Variants in ABCA6 observed in about 807,000 individuals in gnomAD.
ABCA6 encodes ATP-binding cassette sub-family A member 6.
Under a neutral mutation model 191.2 loss-of-function variants are expected in ABCA6, and 164 were observed. The observed-to-expected ratio is 0.86, with a 90% confidence interval of 0.76 to 0.98. ABCA6 has a LOEUF of 0.98. ABCA6 is among the 50% of genes least tolerant of loss of function. The probability of loss-of-function intolerance (pLI) is 0.00; values close to 1 mark genes in which losing one functional copy is unlikely to be tolerated. For missense variants in ABCA6, 1,958 were observed against 1,894.1 expected, an observed-to-expected ratio of 1.03 and a Z score of -0.63; for synonymous variants, 636 against 647.7, an observed-to-expected ratio of 0.98 and a Z score of 0.27.
chr17:69,084,460 T>C lies in ABCA6; in HGVS notation c.4232A>G (p.Gln1411Arg). 1 of 1,614,198 alleles carries C rather than the reference T, an allele frequency of 6.2e-7. No individual in the cohort carries two copies. The highest frequency in any genetic ancestry group is 8.5e-7 in the Non-Finnish European group (1 of 1,180,018). Reference sequence around the variant, plus strand: ...TCTCGTGATTCCTGCTGTTAATTTCTGCACAGGAACATTCAGCTGCTCATG... The same window carrying C: ...TCTCGTGATTCCTGCTGTTAATTTCCGCACAGGAACATTCAGCTGCTCATG... ...KLHEQLNVPV[Q>R]KLTAGITRKL... The change falls in exon 33 of 39, where the codon CAG becomes CGG. Residue 1411 changes from glutamine (Q) to arginine (R), a missense_variant. Gln to Arg is a conservative substitution (Grantham distance 43, BLOSUM62 1). Transcript: ENST00000284425.
At chr17:69,094,244 T>C (rs2072997400) in intron 25 of ABCA6, 1 of 152,244 alleles carries the variant, frequency 6.6e-6, no homozygotes, top group Non-Finnish European at 1.5e-5. Flanking sequence ...GTCAAATTTC[T>C]TCTTTTGTTC....
intron 16 of ABCA6, 60 bp from the exon 17 acceptor site, chr17:69,111,000 G>C: frequency 6.7e-7 from 1 of 1,490,868 alleles, no homozygotes; most frequent in East Asian, 2.3e-5. Flanking sequence ...CACAAAAGAA[G>C]AGCTTTAATT....
At chr17:69,087,289 A>C (rs1041129061) in intron 29 of ABCA6, 64 bp downstream of exon 29, 1 of 1,582,830 alleles carries the variant, frequency 6.3e-7, no homozygotes, top group Non-Finnish European at 8.6e-7. Context: ...CAGTGTATCA[A>C]ATCCTGCTCT....
intron 25 of ABCA6, chr17:69,095,203 T>C (rs377000701): frequency 9.8e-5 from 19 of 192,980 alleles, no homozygotes; most frequent in African/African-American, 4.2e-4. Flanking sequence ...GTCTGTTGAC[T>C]GAACAAAAAA....
intron 6 of ABCA6, among the ~76,000 whole-genome samples, chr17:69,130,710 C>A (rs950706671): frequency 6.6e-6 from 1 of 152,122 alleles, no homozygotes; most frequent in African/African-American, 2.4e-5. Context: ...CCATACCGTC[C>A]TAATTGTAGA....
At chr17:69,132,175 A>G (rs1253820225) in intron 6 of ABCA6, among the ~76,000 whole-genome samples, 1 of 152,176 alleles carries the variant, frequency 6.6e-6, no homozygotes, top group Non-Finnish European at 1.5e-5. Context: ...CTCCCAAGGA[A>G]TTGTTCAATA....
chr17:69,097,210 G>A (rs1386654783), intron 23 of ABCA6, among the ~76,000 whole-genome samples: 2 of 152,112 alleles, frequency 1.3e-5, no homozygotes, highest in Non-Finnish European at 2.9e-5. Context: ...GGCTAACATG[G>A]TGAAAGCCCA....
chr17:69,088,798 G>T (rs1268517551), intron 27 of ABCA6, among the ~76,000 whole-genome samples: 1 of 152,086 alleles, frequency 6.6e-6, no homozygotes, highest in East Asian at 1.9e-4. Flanking sequence ...TTTATCCCAT[G>T]ACTTCTGTGG....
chr17:69,140,135 G>C (rs945881167), intron 2 of ABCA6, among the ~76,000 whole-genome samples: 2 of 151,902 alleles, frequency 1.3e-5, no homozygotes, highest in African/African-American at 2.4e-5. Context: ...ATAAACATTT[G>C]CTGTGTTAAG....
chr17:69,113,457 C>T (rs2073472390), intron 14 of ABCA6, 97 bp from the exon 15 acceptor site: 1 of 1,513,236 alleles, frequency 6.6e-7, no homozygotes, highest in Non-Finnish European at 8.9e-7. Flanking sequence ...AAATAATAAC[C>T]ATCCAGCCAT....
intron 20 of ABCA6, chr17:69,104,051 C>G (rs1803273173): frequency 1.3e-5 from 2 of 151,446 alleles, no homozygotes; most frequent in African/African-American, 4.9e-5. Flanking sequence ...TTCCATGCAC[C>G]TTGAGCAGCC....
At position 69,115,435 on chromosome 17, in the gene ABCA6, C is replaced by A. The variant is rs753065335; in HGVS notation, c.1547G>T (p.Ser516Ile). The A allele has an allele frequency of 1.9e-6, 3 of 1,612,142 alleles. No homozygotes were observed. The highest frequency in any genetic ancestry group is 2.2e-5 in the South Asian group (2 of 90,830). ...TAGCAGTGAAGATTTGCCAGCTCCACTGTGACCCAGGATTGCCGTGATTTG... is the reference window on the plus strand; with the variant it reads ...TAGCAGTGAAGATTTGCCAGCTCCAATGTGACCCAGGATTGCCGTGATTTG... ...EGQITAILGHSGAGKSSLLNI... is the reference protein window; with the variant it reads ...EGQITAILGHIGAGKSSLLNI... Residue 516 changes from serine (S) to isoleucine (I), a missense_variant, in exon 12 of 39, where the codon AGT becomes ATT. Physicochemically the swap from Ser to Ile is moderately radical, Grantham distance 142. Coordinates refer to ENST00000284425, the MANE Select transcript of ABCA6 (RefSeq NM_080284.3).
intron 35 of ABCA6, 92 bp downstream of exon 35, chr17:69,083,120 C>T (rs752673500): frequency 4.3e-5 from 68 of 1,568,486 alleles, no homozygotes; most frequent in South Asian, 1.8e-4. Context: ...GGAAGCCAAA[C>T]GGAAGGGCTC....
chr17:69,084,207 A>G, intron 34 of ABCA6, 54 bp downstream of exon 34: 2 of 1,547,798 alleles, frequency 1.3e-6, no homozygotes, highest in Admixed American at 1.7e-5. Context: ...CAGTTAAAAT[A>G]TGCAACCTTC....
chr17:69,113,516 T>G (rs2073474426), intron 14 of ABCA6, 102 bp downstream of exon 14: 1 of 1,578,486 alleles, frequency 6.3e-7, no homozygotes, highest in African/African-American at 1.4e-5. Flanking sequence ...AGGTTCTCTC[T>G]TGATGCATTA....
chr17:69,094,828 A>C (rs1479712620), intron 25 of ABCA6: 1 of 154,692 alleles, frequency 6.5e-6, no homozygotes, highest in East Asian at 1.9e-4. Flanking sequence ...GAGTGGCAAA[A>C]GCCACAAAAG....
chr17:69,080,988 A>ACAG, intron 37 of ABCA6, 78 bp downstream of exon 37: 1 of 911,446 alleles, frequency 1.1e-6, no homozygotes, highest in South Asian at 1.9e-5. Context: ...AAATTGTTAC[A>ACAG]CAATTAGCTT....
At chr17:69,103,384 A>AAT (rs546778961) in intron 20 of ABCA6, among the ~76,000 whole-genome samples, 1 of 152,280 alleles carries the variant, frequency 6.6e-6, no homozygotes, top group South Asian at 2.1e-4. Flanking sequence ...TGGACAAGTA[A>AAT]ATATATATGT....
Position 69,080,380 on chromosome 17 carries a change from T to C in ABCA6, c.4696+686A>G, listed in dbSNP as rs1026044367. The stretch of plus-strand genomic sequence containing the variant: ...TGCCTGGGCTGAGAACCCAGAAAGA[T>C]GGGCTCTAAAGTTTGAGCTCTTCAC... On this transcript the variant is annotated intron_variant, in intron 37 of 38. Transcript: ENST00000284425. Among the ~76,000 whole-genome samples the C allele has an allele frequency of 5.9e-5, 9 of 152,212 alleles. No homozygotes were observed. In the South Asian group the frequency reaches 1.0e-3, roughly 18 times the overall value.
Sources: gnomAD v4.1 joint callset for allele counts (sites outside exome capture counted in the v4.1 genomes callset) on GRCh38, gnomAD v4.1.1 for gene constraint, MANE v1.5 for transcripts, NCBI Gene and HGNC (gene_info 2026-07-23, HGNC 2026-07-21) for gene names.